Variants in SETD2 observed in about 807,000 individuals in gnomAD.
The protein encoded by SETD2 is histone-lysine N-methyltransferase SETD2.
A neutral mutation model predicts 242.1 loss-of-function variants in SETD2; 31 were observed. The ratio of observed to expected loss-of-function variants is 0.13; its 90% CI spans 0.10 to 0.17. The LOEUF (loss-of-function observed/expected upper bound fraction) is 0.17. SETD2 is among the 10% of genes least tolerant of loss of function. The pLI is 1.00. For missense variants in SETD2, 2,481 were observed against 3,046.3 expected (o/e 0.81, Z 4.37); for synonymous variants, 1,006 against 1,066.5 (o/e 0.94, Z 1.11).
At position 47,121,248 on chromosome 3, in the gene SETD2, T is replaced by G. The variant is rs1293115178; in HGVS notation, c.3388A>C (p.Lys1130Gln). The G allele has an allele frequency of 6.2e-7, 1 of 1,614,132 alleles. No homozygotes were observed. ...IASKACPQTD[K>Q]FFLHKGTEKN... is the part of the protein sequence containing the mutation. The stretch of plus-strand genomic sequence containing the variant: ...TCTGTTCCTTTATGAAGGAAAAACT[T>G]ATCAGTTTGAGGACAGGCTTTACTT... Residue 1130 changes from lysine (K) to glutamine (Q), a missense_variant, in exon 3 of 21, where the codon AAG (lysine) becomes CAG (glutamine). Transcript: ENST00000409792.
rs142304887 is a variant in SETD2 at position 47,113,165 on chromosome 3, G to A, written c.4715+711C>T. On this transcript the variant is annotated intron_variant, in intron 5 of 20. Coordinates refer to ENST00000409792, the MANE Select transcript of SETD2 (RefSeq NM_014159.7). ...GCCATCCAGGCTAGAATGCAGTGGC[G>A]TGATCACAGCTCACTGTAACCTTGA... is the stretch of plus-strand genomic sequence containing the variant. Among the ~76,000 whole-genome samples the A allele has an allele frequency of 1.2e-3, 179 of 151,162 alleles. 3 individuals carry two copies. The East Asian group carries it at 0.032, about 27-fold the overall frequency.
intron 1 of SETD2, among the ~76,000 whole-genome samples, chr3:47,161,824 C>G (rs1239424497): frequency 6.6e-6 from 1 of 151,034 alleles, no homozygotes; most frequent in Non-Finnish European, 1.5e-5. Context: ...GGCAGGAGGA[C>G]TGCTTAAGCC....
chr3:47,046,336 C>CAA (rs774894080), intron 16 of SETD2, 151 bp downstream of exon 16: 271 of 514,134 alleles, frequency 5.3e-4, no homozygotes, highest in Middle Eastern at 2.4e-3. Context: ...GACTCTGTCT[C>CAA]AAAAAAAAAA....
Position 47,017,131 on chromosome 3 carries a change from C to T in SETD2, c.7657G>A (p.Ala2553Thr), listed in dbSNP as rs2107484639. 1 of 1,614,094 alleles carries T rather than the reference C, an allele frequency of 6.2e-7. No homozygotes were observed. The highest frequency in any genetic ancestry group is 8.5e-7 in the Non-Finnish European group (1 of 1,180,010). ...YIKKYMQKFG[A>T]VYKPKEDTEL... is the part of the protein sequence containing the mutation. ...GTGTCCTCTTTGGGTTTGTAAACAG[C>T]CCCAAACTTCTGCATGTACTTCTTA... The change falls in exon 21 of 21, where the codon GCT becomes ACT. Residue 2553 changes from alanine to threonine, a missense_variant. By Grantham distance (58) the Ala-to-Thr change is moderately conservative. Transcript: ENST00000409792. This position sits in a 1 kb window ranked among gnomAD's most constrained non-coding sequence, Gnocchi z 4.8.
intron 14 of SETD2, among the ~76,000 whole-genome samples, 171 bp from the exon 15 acceptor site, chr3:47,057,661 G>A (rs2040139203): frequency 6.6e-6 from 1 of 152,088 alleles, no homozygotes; most frequent in Non-Finnish European, 1.5e-5. Context: ...ACACAGAACA[G>A]AATCCCAAGG....
chr3:47,127,638 G>A (rs979804097), intron 1 of SETD2: 2 of 403,044 alleles, frequency 5.0e-6, no homozygotes, highest in South Asian at 1.8e-5. Context: ...GAGGTGGGCA[G>A]ACCACCTGAG....
At chr3:47,100,311 A>G (rs1228713890) in intron 8 of SETD2, among the ~76,000 whole-genome samples, 1 of 151,974 alleles carries the variant, frequency 6.6e-6, no homozygotes, top group Admixed American at 6.6e-5. Context: ...CCCAGGCTGG[A>G]GTGCAACAGC....
intron 12 of SETD2, among the ~76,000 whole-genome samples, chr3:47,074,248 T>C (rs1160855600): frequency 6.6e-6 from 1 of 152,192 alleles, no homozygotes; most frequent in East Asian, 1.9e-4. Context: ...ATATGCATAA[T>C]ATGCATAAAT....
chr3:47,130,535 T>A (rs757579798), intron 1 of SETD2, among the ~76,000 whole-genome samples: 1 of 152,160 alleles, frequency 6.6e-6, no homozygotes, highest in Non-Finnish European at 1.5e-5. Flanking sequence ...ACAGCAAGAA[T>A]TAGCTACAAA....
At position 47,016,881 on chromosome 3, in the gene SETD2, AAC is replaced by A. The variant is rs1355101540; in HGVS notation, c.*210_*211del. ...AGCCCTTGCACCTCTGATGGCTTCT[AAC>A]CACATGCCAACAGCTCACAACTAGG... On this transcript the variant is annotated 3_prime_UTR_variant, in exon 21 of 21. Transcript: ENST00000409792. The A allele has an allele frequency of 1.8e-6, 1 of 553,688 alleles. No homozygotes were observed. Among genetic ancestry groups the A allele is most frequent in the African/African-American group, 1.9e-5 (1 of 53,220 alleles). 34.3% of individuals were successfully genotyped at this position (553,688 alleles called of 1,614,324 possible).
At chr3:47,112,702 A>C (rs2042706184) in intron 5 of SETD2, among the ~76,000 whole-genome samples, 1 of 151,210 alleles carries the variant, frequency 6.6e-6, no homozygotes, top group East Asian at 2.0e-4. Flanking sequence ...CGATTCTCCT[A>C]CCTCAGCCTC....
intron 5 of SETD2, among the ~76,000 whole-genome samples, chr3:47,112,303 CAG>C (rs1439450469): frequency 6.6e-6 from 1 of 151,906 alleles, no homozygotes; most frequent in South Asian, 2.1e-4. Context: ...TTTTTTGAGA[CAG>C]AGTTTCACTC....
intron 1 of SETD2, among the ~76,000 whole-genome samples, chr3:47,133,443 C>T (rs917137523): frequency 2.4e-4 from 36 of 152,126 alleles, no homozygotes; most frequent in Middle Eastern, 3.4e-3. Flanking sequence ...CTCACAGAAT[C>T]CCCCCCAACC....
intron 14 of SETD2, among the ~76,000 whole-genome samples, chr3:47,060,845 C>T (rs1158325945): frequency 6.6e-6 from 1 of 151,874 alleles, no homozygotes; most frequent in African/African-American, 2.4e-5. Flanking sequence ...CAATTATCAC[C>T]AAGACAAAAT....
chr3:47,069,618 G>A (rs1352464311), intron 12 of SETD2, among the ~76,000 whole-genome samples: 1 of 152,098 alleles, frequency 6.6e-6, no homozygotes, highest in Admixed American at 6.5e-5. Context: ...GAAAAAACTA[G>A]GTAGGCCTGC....
intron 9 of SETD2, among the ~76,000 whole-genome samples, chr3:47,095,167 G>T (rs930459747): frequency 2.0e-5 from 3 of 152,082 alleles, no homozygotes; most frequent in Admixed American, 2.0e-4. Flanking sequence ...ATGGAGTTTT[G>T]CTCTGTAGCC....
At chr3:47,100,939 G>GC (rs2042185086) in intron 8 of SETD2, among the ~76,000 whole-genome samples, 1 of 149,872 alleles carries the variant, frequency 6.7e-6, no homozygotes, top group Non-Finnish European at 1.5e-5. Context: ...GAACCTGGGA[G>GC]GCGGAGCTTG....
At chr3:47,159,876 G>T (rs1330783344) in intron 1 of SETD2, among the ~76,000 whole-genome samples, 1 of 151,634 alleles carries the variant, frequency 6.6e-6, no homozygotes, top group Non-Finnish European at 1.5e-5. Context: ...TCAGGAGGCT[G>T]AAGCAGGAGA....
intron 7 of SETD2, among the ~76,000 whole-genome samples, chr3:47,101,947 T>A (rs2042230782): frequency 6.6e-6 from 1 of 152,212 alleles, no homozygotes; most frequent in Non-Finnish European, 1.5e-5. Flanking sequence ...AAGGCAAGTC[T>A]ATATTAACAT....
Sources: allele counts gnomAD v4.1 joint callset (sites outside exome capture counted in the v4.1 genomes callset), GRCh38; gene constraint gnomAD v4.1.1; non-coding constraint Gnocchi (gnomAD v3.1); transcripts MANE v1.5; gene names NCBI Gene and HGNC (gene_info 2026-07-23, HGNC 2026-07-21).